The following RASL11A variants were observed in gnomAD, a reference collection of about 807,000 sequenced individuals.
The protein encoded by RASL11A is RAS like family 11 member A, also known as ras-like protein family member 11A.
A neutral mutation model predicts 17.1 loss-of-function variants in RASL11A; 14 were observed. That is an observed-to-expected ratio of 0.82 (90% confidence interval 0.54 to 1.28). The LOEUF is 1.28. Among genes scored for constraint, RASL11A ranks in the 50% most tolerant of loss-of-function variants. RASL11A has a pLI of 0.00. For synonymous variants in RASL11A, 146 were observed against 132.5 expected, an observed-to-expected ratio of 1.10 and a Z score of -0.70; for missense variants, 283 against 312.3, an observed-to-expected ratio of 0.91 and a Z score of 0.71.
chr13:27,271,450 A>C, intron 1 of RASL11A, 34 bp from the exon 2 acceptor site: 1 of 1,612,096 alleles, frequency 6.2e-7, no homozygotes. Context: ...GGCTTGTTCT[A>C]CTCCTTCGGT....
rs1349689812 is a variant in RASL11A at position 27,271,343 on chromosome 13, C to A, written c.125-141C>A. The A allele has an allele frequency of 3.3e-6, 5 of 1,497,470 alleles. No individual in the cohort carries two copies. In the African/African-American group the frequency reaches 7.0e-5, roughly 21 times the overall value. The allele number at this position is 1,497,470 out of a possible 1,614,324, so 92.8% of individuals were successfully genotyped here. On this transcript the variant is annotated intron_variant, in intron 1 of 3. Coordinates refer to ENST00000241463, the MANE Select transcript of RASL11A (RefSeq NM_206827.2). ...CCAGTCGTACTCGCGGCCAAGCCCG[C>A]GGCACCACGGCTTTGCGGAGCCTCT...
At chr13:27,271,436 G>C (rs763161720) in intron 1 of RASL11A, 48 bp from the exon 2 acceptor site, 6 of 1,610,500 alleles carry the variant, frequency 3.7e-6, no homozygotes, top group Non-Finnish European at 1.7e-6. Context: ...GCCTGGGTTT[G>C]ACAGGCTTGT....
chr13:27,271,134 T>C, intron 1 of RASL11A, 66 bp downstream of exon 1: 1 of 1,513,264 alleles, frequency 6.6e-7, no homozygotes, highest in Non-Finnish European at 8.8e-7. Flanking sequence ...CTGGGGGCGC[T>C]GCGGAGAGAG....
In RASL11A at chr13:27,273,241, C is replaced by T; in HGVS notation, c.476C>T (p.Thr159Ile). The T allele has an allele frequency of 6.2e-7, 1 of 1,614,230 alleles. No individual in the cohort carries two copies. Residue 159 changes from threonine (T) to isoleucine (I), a missense_variant, in exon 4 of 4, where the codon ACA becomes ATA. Physicochemically the swap from Thr to Ile is moderately conservative, Grantham distance 89. Transcript: ENST00000241463. ...GDLLHARQVQ[T>I]QDGIQLANEL... ...CTTTTGCATGCCCGGCAGGTGCAGA[C>T]ACAGGACGGTATTCAGCTAGCCAAT...
Position 27,270,862 on chromosome 13 carries a change from C to T in RASL11A, c.-83C>T, listed in dbSNP as rs1280581974. ...CGCCGCGGTCCCGGACCTCTAGTCC[C>T]GCACTCCCAGCTGGCGAGCCGGCTC... On this transcript the variant is annotated 5_prime_UTR_variant, in exon 1 of 4. Coordinates refer to ENST00000241463, the MANE Select transcript of RASL11A (RefSeq NM_206827.2). 11 of 1,518,276 alleles carry T rather than the reference C, an allele frequency of 7.2e-6. No individual in the cohort carries two copies. In the South Asian group the frequency reaches 7.6e-5, roughly 10 times the overall value. The allele number at this position is 1,518,276 out of a possible 1,614,324, so 94.1% of individuals were successfully genotyped here. A position where few individuals can be genotyped will look rare whatever the true frequency, so the allele number is the denominator to read the frequency against.
In RASL11A at chr13:27,273,475, C is replaced by T; in HGVS notation, c.710C>T (p.Ala237Val). The T allele has an allele frequency of 1.2e-6, 2 of 1,613,914 alleles. No homozygotes were observed. The highest frequency in any genetic ancestry group is 1.7e-6 in the Non-Finnish European group (2 of 1,179,944). ...FKQALSPKVKAPSALG is the reference protein window; with the variant it reads ...FKQALSPKVKVPSALG ...CAGGCTCTGTCTCCCAAAGTCAAAG[C>T]CCCCTCTGCACTGGGGTGAACTATC... Residue 237 changes from alanine (A) to valine (V), a missense_variant, in exon 4 of 4, where the codon GCC becomes GTC. Ala to Val is a moderately conservative substitution (Grantham distance 64). Transcript: ENST00000241463.
In RASL11A at chr13:27,271,056, G is replaced by C. The variant is rs906637448; in HGVS notation, c.112G>C (p.Val38Leu). The change falls in exon 1 of 4, where the codon GTG (valine) becomes CTG (leucine). Residue 38 changes from valine to leucine, a missense_variant. Val to Leu is a conservative substitution (Grantham distance 32). Transcript: ENST00000241463. ...ACTGGCGGTGCTGGGCGCCGGCCGC[G>C]TGGGCAAGAGCGGTGAGTGCGGCGG... ...IKLAVLGAGR[V>L]GKSAMIVRFL... 9 of 1,575,274 alleles carry C rather than the reference G, an allele frequency of 5.7e-6. No individual in the cohort carries two copies. The highest frequency in any genetic ancestry group is 1.4e-5 in the African/African-American group (1 of 73,654).
chr13:27,270,895 G>T lies in RASL11A; in HGVS notation c.-50G>T. 1 of 1,544,964 alleles carries T rather than the reference G, an allele frequency of 6.5e-7. No individual in the cohort carries two copies. Among genetic ancestry groups the T allele is most frequent in the Non-Finnish European group, 8.7e-7 (1 of 1,144,864 alleles). ...CAGCTGGCGAGCCGGCTCCGGGTGC[G>T]GCGAGGCCCAGCCCTCTCGGATTGC... On this transcript the variant is annotated 5_prime_UTR_variant, in exon 1 of 4. Coordinates refer to ENST00000241463, the MANE Select transcript of RASL11A (RefSeq NM_206827.2).
chr13:27,272,898 G>A (rs1484936051), intron 3 of RASL11A, 129 bp from the exon 4 acceptor site: 2 of 729,866 alleles, frequency 2.7e-6, no homozygotes, highest in Non-Finnish European at 4.5e-6. Context: ...CAGAAGCTGG[G>A]TGGAAACTGA....
In RASL11A at chr13:27,274,743, C is replaced by T. The variant is rs1447702530; in HGVS notation, c.*1249C>T. The stretch of plus-strand genomic sequence containing the variant: ...CCTGTCAGGTAGCTATTTGTTACTC[C>T]ATTAGAAGGAGTCCCCCTCGAGGGC... On this transcript the variant is annotated 3_prime_UTR_variant, in exon 4 of 4. Coordinates refer to ENST00000241463, the MANE Select transcript of RASL11A (RefSeq NM_206827.2). Among the ~76,000 whole-genome samples the T allele has an allele frequency of 2.0e-5, 3 of 152,190 alleles. No individual in the cohort carries two copies. The highest frequency in any genetic ancestry group is 2.0e-4 in the Admixed American group (3 of 15,282).
Position 27,273,689 on chromosome 13 carries a change from ACTTTTTTT to A in RASL11A, c.*196_*203del. The A allele has an allele frequency of 3.8e-6, 1 of 261,150 alleles. No individual in the cohort carries two copies. The highest frequency in any genetic ancestry group is 6.8e-6 in the Non-Finnish European group (1 of 146,322). The allele number at this position is 261,150 out of a possible 1,614,324, so 16.2% of individuals were successfully genotyped here. On this transcript the variant is annotated 3_prime_UTR_variant, in exon 4 of 4. Transcript: ENST00000241463. ...AATTTTGTTTTGTTTTATTAAAAGA[ACTTTTTTT>A]TTTTTTTTTTTTTTTTTTTTTTTAC... is the stretch of plus-strand genomic sequence containing the variant.
At position 27,273,689 on chromosome 13, in the gene RASL11A, ACTTTTTTTT is replaced by A; in HGVS notation, c.*196_*204del. Reference sequence around the variant, plus strand: ...AATTTTGTTTTGTTTTATTAAAAGAACTTTTTTTTTTTTTTTTTTTTTTTTTTTTTTACT... The same window carrying A: ...AATTTTGTTTTGTTTTATTAAAAGAATTTTTTTTTTTTTTTTTTTTTTACT... On this transcript the variant is annotated 3_prime_UTR_variant, in exon 4 of 4. Coordinates refer to ENST00000241463, the MANE Select transcript of RASL11A (RefSeq NM_206827.2). 3.8e-6 allele frequency: 1 copy of A among 261,150 alleles called. No homozygotes were observed. Among genetic ancestry groups the A allele is most frequent in the African/African-American group, 3.0e-5 (1 of 33,842 alleles). The allele number at this position is 261,150 out of a possible 1,614,324, so 16.2% of individuals were successfully genotyped here.
Position 27,273,561 on chromosome 13 carries a change from CT to C in RASL11A, c.*72del. 8.3e-7 allele frequency: 1 copy of C among 1,202,870 alleles called. No individual in the cohort carries two copies. Among genetic ancestry groups the C allele is most frequent in the Non-Finnish European group, 1.2e-6 (1 of 851,622 alleles). 74.5% of individuals were successfully genotyped at this position (1,202,870 alleles called of 1,614,324 possible). A position where few individuals can be genotyped will look rare whatever the true frequency, so the allele number is the denominator to read the frequency against. ...TGCAGCTAAAAGACTGGGCTTCTCG[CT>C]TTTTAATCACACATTCAGAGTTTAT... is the stretch of plus-strand genomic sequence containing the variant. On this transcript the variant is annotated 3_prime_UTR_variant, in exon 4 of 4. Coordinates refer to ENST00000241463, the MANE Select transcript of RASL11A (RefSeq NM_206827.2).
rs140404399 is a variant in RASL11A at position 27,273,079 on chromosome 13, G to A, written c.314G>A (p.Trp105Ter). 1.6e-5 allele frequency: 26 copies of A among 1,614,070 alleles called. No individual in the cohort carries two copies. The African/African-American group carries it at 3.1e-4, about 19-fold the overall frequency. ...VVDSLSKCVQ[W>*]AEGFLLVYSI... ...GATTCCCTGTCCAAATGCGTGCAGTGGGCCGAGGGTTTTCTGCTGGTCTAT... is the reference window on the plus strand; with the variant it reads ...GATTCCCTGTCCAAATGCGTGCAGTAGGCCGAGGGTTTTCTGCTGGTCTAT... Residue 105 changes from tryptophan (W) to a stop codon, truncating the protein, a stop_gained, in exon 4 of 4, where the codon TGG becomes TAG. Coordinates refer to ENST00000241463, the MANE Select transcript of RASL11A (RefSeq NM_206827.2). LOFTEE classifies it high-confidence loss of function.
Position 27,274,708 on chromosome 13 carries a change from A to G in RASL11A, c.*1214A>G, listed in dbSNP as rs1421284020. Reference sequence around the variant, plus strand: ...CCTCTATTCCTGGAGCATTTGTGTTATAACCCAACCCTGTCAGGTAGCTAT... The same window carrying G: ...CCTCTATTCCTGGAGCATTTGTGTTGTAACCCAACCCTGTCAGGTAGCTAT... On this transcript the variant is annotated 3_prime_UTR_variant, in exon 4 of 4. Transcript: ENST00000241463. Among the ~76,000 whole-genome samples, 1 of 152,208 alleles carries G rather than the reference A, an allele frequency of 6.6e-6. No homozygotes were observed. The highest frequency in any genetic ancestry group is 1.5e-5 in the Non-Finnish European group (1 of 68,038).
Position 27,271,027 on chromosome 13 carries a change from TCAA to T in RASL11A, c.84_86del (p.Lys29del). On this transcript the variant is annotated inframe_deletion, in exon 1 of 4. Transcript: ENST00000241463. ...TCGGACTACCTACTGCCCAAGGACA[TCAA>T]ACTGGCGGTGCTGGGCGCCGGCCGC... The T allele has an allele frequency of 1.9e-6, 3 of 1,589,182 alleles. No individual in the cohort carries two copies. Among genetic ancestry groups the T allele is most frequent in the Non-Finnish European group, 2.6e-6 (3 of 1,167,894 alleles).
Position 27,270,964 on chromosome 13 carries a change from C to G in RASL11A, c.20C>G (p.Ser7Cys). 6.3e-7 allele frequency: 1 copy of G among 1,596,998 alleles called. No homozygotes were observed. Among genetic ancestry groups the G allele is most frequent in the Non-Finnish European group, 8.5e-7 (1 of 1,172,464 alleles). MRPLSM[S>C]GHFLLAPIPE... ...CGCTCCATGCGGCCGCTCAGCATGT[C>G]CGGGCACTTTCTGCTCGCACCCATC... is the stretch of plus-strand genomic sequence containing the variant. The change falls in exon 1 of 4, where the codon TCC becomes TGC. Residue 7 changes from serine to cysteine, a missense_variant. By Grantham distance (112) the Ser-to-Cys change is moderately radical. Coordinates refer to ENST00000241463, the MANE Select transcript of RASL11A (RefSeq NM_206827.2).
chr13:27,272,384 C>T (rs1157761155), intron 3 of RASL11A, among the ~76,000 whole-genome samples: 2 of 152,318 alleles, frequency 1.3e-5, no homozygotes. Context: ...CCGCCCACCT[C>T]GGCCTCCCAA....
chr13:27,271,910 A>G (rs1044160899), intron 3 of RASL11A, among the ~76,000 whole-genome samples, 192 bp downstream of exon 3: 1 of 152,148 alleles, frequency 6.6e-6, no homozygotes, highest in African/African-American at 2.4e-5. Context: ...TCTAAGGGGG[A>G]GGCATGGTTA....
Sources: allele counts gnomAD v4.1 joint callset (sites outside exome capture counted in the v4.1 genomes callset), GRCh38; gene constraint gnomAD v4.1.1; transcripts MANE v1.5; gene names NCBI Gene and HGNC (gene_info 2026-07-23, HGNC 2026-07-21).